Variants in MARCHF1 observed in about 807,000 individuals in gnomAD.
The protein encoded by MARCHF1 is membrane associated ring-CH-type finger 1, also known as E3 ubiquitin-protein ligase MARCHF1.
MARCHF1 carries 40 observed loss-of-function variants against 54.2 expected under a neutral mutation model. The observed-to-expected ratio is 0.74, with a 90% CI of 0.57 to 0.96. MARCHF1 has a LOEUF of 0.96. Ranked by LOEUF, MARCHF1 falls within the 40% of genes least tolerant of loss-of-function variation. The probability of loss-of-function intolerance (pLI) is 0.00; values close to 1 mark genes in which losing one functional copy is unlikely to be tolerated. For missense variants in MARCHF1, 586 were observed against 656.5 expected, an observed-to-expected ratio of 0.89 and a Z score of 1.17; for synonymous variants, 236 against 236.3, an observed-to-expected ratio of 1.00 and a Z score of 0.01.
chr4:163,882,824 T>C (rs1162414168), intron 3 of MARCHF1, among the ~76,000 whole-genome samples: 1 of 151,882 alleles, frequency 6.6e-6, no homozygotes, highest in Non-Finnish European at 1.5e-5. Flanking sequence ...CAAAAAATTA[T>C]CAGGGCGTGT....
intron 3 of MARCHF1, among the ~76,000 whole-genome samples, chr4:163,875,332 T>C (rs906837980): frequency 2.0e-5 from 3 of 152,200 alleles, no homozygotes; most frequent in Non-Finnish European, 4.4e-5. Context: ...AACTCTTTAA[T>C]TCCAAAAGGT....
chr4:164,058,989 A>G (rs1027354773), intron 2 of MARCHF1, among the ~76,000 whole-genome samples: 2 of 152,162 alleles, frequency 1.3e-5, no homozygotes, highest in Non-Finnish European at 2.9e-5. Context: ...TGGCATAGAA[A>G]TTTTTCAATA....
At chr4:163,785,590 G>C (rs559896765) in intron 4 of MARCHF1, among the ~76,000 whole-genome samples, 1 of 152,054 alleles carries the variant, frequency 6.6e-6, no homozygotes, top group South Asian at 2.1e-4. Context: ...ACAATATCTA[G>C]TGGTTGTTAA....
At chr4:164,314,903 A>G (rs141756759) in intron 1 of MARCHF1, among the ~76,000 whole-genome samples, 165 of 152,330 alleles carry the variant, frequency 1.1e-3, no homozygotes, top group African/African-American at 3.8e-3. Flanking sequence ...CCAAGAAAAT[A>G]TCAGAAAATG....
chr4:164,135,125 C>T (rs1375586790), intron 1 of MARCHF1, among the ~76,000 whole-genome samples: 1 of 152,164 alleles, frequency 6.6e-6, no homozygotes, highest in African/African-American at 2.4e-5. Flanking sequence ...TTATGTAGAG[C>T]TTCCTTAGCT....
intron 2 of MARCHF1, among the ~76,000 whole-genome samples, chr4:164,040,889 T>C (rs1047371105): frequency 1.3e-5 from 2 of 152,086 alleles, no homozygotes; most frequent in African/African-American, 4.8e-5. Context: ...ACATTCTGAA[T>C]TGTTTAATCT....
At chr4:163,877,764 C>T (rs887483796) in intron 3 of MARCHF1, among the ~76,000 whole-genome samples, 4 of 152,144 alleles carry the variant, frequency 2.6e-5, no homozygotes, top group African/African-American at 9.7e-5. Context: ...TCTTGGATCT[C>T]CTCACCCATA....
intron 2 of MARCHF1, among the ~76,000 whole-genome samples, chr4:164,043,817 A>G (rs2111025955): frequency 6.6e-6 from 1 of 152,312 alleles, no homozygotes; most frequent in African/African-American, 2.4e-5. Flanking sequence ...GAATTTTAGA[A>G]ACATCCAGGT....
At chr4:163,953,480 G>A (rs1326236706) in intron 3 of MARCHF1, among the ~76,000 whole-genome samples, 1 of 152,130 alleles carries the variant, frequency 6.6e-6, no homozygotes, top group African/African-American at 2.4e-5. Context: ...GATTCACAAT[G>A]ACTTTTAGTT....
At chr4:164,213,077 A>ATG (rs58709997) in intron 1 of MARCHF1, among the ~76,000 whole-genome samples, 8 of 151,736 alleles carry the variant, frequency 5.3e-5, no homozygotes, top group East Asian at 1.9e-4. Context: ...TATATTATAT[A>ATG]TGTGTGTGTG....
intron 1 of MARCHF1, among the ~76,000 whole-genome samples, chr4:164,115,409 T>C (rs2110747798): frequency 6.6e-6 from 1 of 152,214 alleles, no homozygotes; most frequent in East Asian, 1.9e-4. Context: ...ATACATAATT[T>C]TGATTTTGGC....
chr4:164,160,069 T>C (rs563751460), intron 1 of MARCHF1, among the ~76,000 whole-genome samples: 1 of 152,284 alleles, frequency 6.6e-6, no homozygotes, highest in South Asian at 2.1e-4. Context: ...TATTGTTAGA[T>C]GTTACAAAGT....
intron 4 of MARCHF1, among the ~76,000 whole-genome samples, chr4:163,762,157 T>C (rs1346080585): frequency 6.6e-6 from 1 of 152,172 alleles, no homozygotes; most frequent in Non-Finnish European, 1.5e-5. Context: ...CCTCTCTTCC[T>C]TAAATTGTAT....
At chr4:163,792,955 G>A (rs530386396) in intron 4 of MARCHF1, among the ~76,000 whole-genome samples, 8 of 152,302 alleles carry the variant, frequency 5.3e-5, no homozygotes, top group African/African-American at 1.9e-4. Flanking sequence ...GAAAAGTGCT[G>A]AAATTTCTCT....
At chr4:164,328,587 T>C (rs912264060) in intron 1 of MARCHF1, among the ~76,000 whole-genome samples, 5 of 151,828 alleles carry the variant, frequency 3.3e-5, no homozygotes, top group African/African-American at 9.7e-5. Context: ...TGGAGTGCAA[T>C]GGTGCAATCT....
intron 1 of MARCHF1, among the ~76,000 whole-genome samples, chr4:164,367,634 C>T (rs1252034929): frequency 6.6e-6 from 1 of 151,650 alleles, no homozygotes; most frequent in Non-Finnish European, 1.5e-5. Context: ...TAAAGTTCTT[C>T]CTTTTCCCCT....
chr4:163,955,471 T>A (rs1042741980), intron 3 of MARCHF1, among the ~76,000 whole-genome samples: 10 of 151,692 alleles, frequency 6.6e-5, no homozygotes, highest in Non-Finnish European at 1.5e-4. Flanking sequence ...TGACACTCCC[T>A]GGCCATTGTA....
chr4:163,547,072 TC>T (rs1285526399), intron 8 of MARCHF1, among the ~76,000 whole-genome samples: 5 of 152,144 alleles, frequency 3.3e-5, no homozygotes, highest in African/African-American at 1.2e-4. Flanking sequence ...AAGACCCCAT[TC>T]CTTCCCCACC....
intron 4 of MARCHF1, among the ~76,000 whole-genome samples, chr4:163,738,053 A>G (rs1746097829): frequency 6.6e-6 from 1 of 152,180 alleles, no homozygotes; most frequent in African/African-American, 2.4e-5. Context: ...TGCGTTGAAG[A>G]GGACATGGTA....
Sources: allele counts gnomAD v4.1 joint callset (sites outside exome capture counted in the v4.1 genomes callset), GRCh38; gene constraint gnomAD v4.1.1; transcripts MANE v1.5; gene names NCBI Gene and HGNC (gene_info 2026-07-23, HGNC 2026-07-21).